The following PTGFRN variants were observed in gnomAD, a reference collection of about 807,000 sequenced individuals.
PTGFRN encodes prostaglandin F2 receptor negative regulator.
A neutral mutation model predicts 83.2 loss-of-function variants in PTGFRN; 35 were observed. That is an observed-to-expected ratio of 0.42 (90% confidence interval 0.32 to 0.56). The LOEUF (loss-of-function observed/expected upper bound fraction) is 0.56. Ranked by LOEUF, PTGFRN falls within the 20% of genes least tolerant of loss-of-function variation. The probability of loss-of-function intolerance (pLI) is 0.11; values close to 1 mark genes in which losing one functional copy is unlikely to be tolerated. For synonymous variants in PTGFRN, 519 were observed against 498.6 expected (o/e 1.04, Z -0.55); for missense variants, 1,051 against 1,179.5 (o/e 0.89, Z 1.60).
At chr1:116,985,657 G>A (rs12065518) in intron 8 of PTGFRN, among the ~76,000 whole-genome samples, 34,354 of 150,568 alleles carry the variant, frequency 0.23, 4,114 homozygotes, top group East Asian at 0.46. Context: ...GCAGTGAGCC[G>A]AGATCGCACC....
intron 2 of PTGFRN, among the ~76,000 whole-genome samples, chr1:116,944,461 C>G (rs1221102531): frequency 1.3e-5 from 2 of 152,180 alleles, no homozygotes; most frequent in Non-Finnish European, 1.5e-5. Context: ...TTTTTACCAC[C>G]CACTTCTAGC....
At chr1:116,962,889 G>A (rs577990125) in intron 5 of PTGFRN, among the ~76,000 whole-genome samples, 16 of 152,250 alleles carry the variant, frequency 1.1e-4, no homozygotes, top group South Asian at 1.0e-3. Context: ...GTAGTCCAGC[G>A]TACACCTGGA....
intron 4 of PTGFRN, among the ~76,000 whole-genome samples, chr1:116,956,556 G>A (rs1390542631): frequency 6.6e-6 from 1 of 152,238 alleles, no homozygotes; most frequent in Non-Finnish European, 1.5e-5. Context: ...AGACAGAGCA[G>A]CAGGAAGGAA....
intron 4 of PTGFRN, among the ~76,000 whole-genome samples, chr1:116,955,352 A>T (rs1650459500): frequency 2.0e-5 from 3 of 152,200 alleles, no homozygotes; most frequent in Non-Finnish European, 4.4e-5. Context: ...TTAACTTTTA[A>T]AAATAGAAAT....
rs867347002 is a variant in PTGFRN, at chr1:116,923,893, C to G, written c.49+13641C>G. On this transcript the variant is annotated intron_variant, in intron 1 of 8. Coordinates refer to ENST00000393203, the MANE Select transcript of PTGFRN (RefSeq NM_020440.4). The surrounding 1 kb of genome is among the most constrained non-coding windows in gnomAD (Gnocchi z 4.0). Reference sequence around the variant, plus strand: ...TCTGGGGGCACCTAAAAACATAGATCGACACAGTCCTTTGACTCCTCCAGC... The same window carrying G: ...TCTGGGGGCACCTAAAAACATAGATGGACACAGTCCTTTGACTCCTCCAGC... Among the ~76,000 whole-genome samples, 1 of 152,020 alleles carries G rather than the reference C, an allele frequency of 6.6e-6. No individual in the cohort carries two copies. Among genetic ancestry groups the G allele is most frequent in the African/African-American group, 2.4e-5 (1 of 41,378 alleles).
Position 116,961,813 on chromosome 1 carries a change from C to G in PTGFRN, c.1639+145C>G. ...ACATTGATCGCCATGCGACCCGTTG[C>G]ACATGCTCTTTGGACTCACTATCAC... On this transcript the variant is annotated intron_variant, in intron 5 of 8. Transcript: ENST00000393203. This position sits in a 1 kb window ranked among gnomAD's most constrained non-coding sequence, Gnocchi z 5.4. 1.2e-6 allele frequency: 1 copy of G among 827,802 alleles called. No individual in the cohort carries two copies. The highest frequency in any genetic ancestry group is 1.9e-5 in the South Asian group (1 of 53,332). The allele number at this position is 827,802 out of a possible 1,614,324, so 51.3% of individuals were successfully genotyped here. A position where few individuals can be genotyped will look rare whatever the true frequency, so the allele number is the denominator to read the frequency against.
At chr1:116,940,227 G>A (rs1650025935) in intron 1 of PTGFRN, among the ~76,000 whole-genome samples, 1 of 152,240 alleles carries the variant, frequency 6.6e-6, no homozygotes, top group South Asian at 2.1e-4. Context: ...AGATCAAGGT[G>A]TCGGGGAGTG....
chr1:116,972,284 T>C (rs1160863635), intron 6 of PTGFRN, among the ~76,000 whole-genome samples: 1 of 152,202 alleles, frequency 6.6e-6, no homozygotes, highest in East Asian at 1.9e-4. Context: ...AGCCATTCTG[T>C]CAATTCTTTA....
At chr1:116,963,860 C>G (rs1000220871) in intron 5 of PTGFRN, among the ~76,000 whole-genome samples, 1 of 151,892 alleles carries the variant, frequency 6.6e-6, no homozygotes, top group Admixed American at 6.6e-5. Flanking sequence ...TAGCTTCAGC[C>G]TCCTAGGTAG....
intron 3 of PTGFRN, 77 bp from the exon 4 acceptor site, chr1:116,949,115 A>T (rs1368635828): frequency 6.7e-7 from 1 of 1,486,902 alleles, no homozygotes; most frequent in Non-Finnish European, 9.0e-7. Context: ...TTAAAAGGAG[A>T]TGCTTTAAAG....
At chr1:116,944,383 G>A (rs147325891) in intron 2 of PTGFRN, among the ~76,000 whole-genome samples, 68 of 152,316 alleles carry the variant, frequency 4.5e-4, no homozygotes, top group African/African-American at 1.6e-3. Context: ...GGCACAGAGG[G>A]GTAAAGTAAC....
intron 1 of PTGFRN, among the ~76,000 whole-genome samples, chr1:116,929,493 A>G (rs1649740286): frequency 6.6e-6 from 1 of 152,170 alleles, no homozygotes; most frequent in Non-Finnish European, 1.5e-5. Flanking sequence ...ATTCATTGTG[A>G]TCAGTCACAG....
chr1:116,944,653 A>G (rs770372475), intron 2 of PTGFRN, 26 bp from the exon 3 acceptor site: 14 of 1,398,266 alleles, frequency 1.0e-5, no homozygotes, highest in Non-Finnish European at 1.1e-5. Context: ...TGGACGGGCT[A>G]CTGACCTAGC....
chr1:116,967,014 A>G lies in PTGFRN; in HGVS notation c.1743A>G (p.Pro581=). 2 of 1,614,232 alleles carry G rather than the reference A, an allele frequency of 1.2e-6. No homozygotes were observed. The highest frequency in any genetic ancestry group is 1.1e-5 in the South Asian group (1 of 91,084). ...CKVSSKNIKS[P]RYSVLIMAEK... is the part of the protein sequence containing the mutation. ...TATCTTCCAAGAATATTAAGTCGCC[A>G]CGCTACTCTGTTCTCATCATGGCTG... The change falls in exon 6 of 9, where the codon CCA becomes CCG. Residue 581 remains proline, a synonymous_variant. Transcript: ENST00000393203.
At chr1:116,945,131 G>T in intron 3 of PTGFRN, 39 bp downstream of exon 3, 1 of 1,561,004 alleles carries the variant, frequency 6.4e-7, no homozygotes. Context: ...ATGTTATTTT[G>T]TGACTAATGA....
rs1003017734 is a variant in PTGFRN, at chr1:116,986,992, A to G, written c.*25A>G. On this transcript the variant is annotated 3_prime_UTR_variant, in exon 9 of 9. Coordinates refer to ENST00000393203, the MANE Select transcript of PTGFRN (RefSeq NM_020440.4). ...GGCTGGCCCGGGAGGGGAGTGACAG[A>G]GGGACGTTCTAGGAGCAATTGGGGC... is the stretch of plus-strand genomic sequence containing the variant. The G allele has an allele frequency of 4.3e-6, 7 of 1,613,590 alleles. No individual in the cohort carries two copies. Among genetic ancestry groups the G allele is most frequent in the Non-Finnish European group, 5.9e-6 (7 of 1,179,812 alleles).
chr1:116,975,298 G>A (rs1651114066), intron 7 of PTGFRN, among the ~76,000 whole-genome samples: 1 of 152,208 alleles, frequency 6.6e-6, no homozygotes, highest in South Asian at 2.1e-4. Context: ...AACTCTGGGG[G>A]CAGGGCATAG....
At chr1:116,949,971 A>G (rs1290467198) in intron 4 of PTGFRN, among the ~76,000 whole-genome samples, 1 of 152,190 alleles carries the variant, frequency 6.6e-6, no homozygotes, top group East Asian at 1.9e-4. Flanking sequence ...AGCCCAATGC[A>G]GAAAGATAAT....
intron 7 of PTGFRN, among the ~76,000 whole-genome samples, chr1:116,981,482 C>A (rs925193125): frequency 6.6e-6 from 1 of 152,222 alleles, no homozygotes; most frequent in African/African-American, 2.4e-5. Flanking sequence ...TATGAAGGGG[C>A]AAGCTCTAAG....
Sources: allele counts gnomAD v4.1 joint callset (sites outside exome capture counted in the v4.1 genomes callset), GRCh38; gene constraint gnomAD v4.1.1; non-coding constraint Gnocchi (gnomAD v3.1); transcripts MANE v1.5; gene names NCBI Gene and HGNC (gene_info 2026-07-23, HGNC 2026-07-21).